Variants in VPS13B observed in about 807,000 individuals in gnomAD.
VPS13B encodes intermembrane lipid transfer protein VPS13B.
VPS13B carries 285 observed loss-of-function variants against 426.4 expected under a neutral mutation model. The observed-to-expected ratio is 0.67, with a 90% CI of 0.61 to 0.74. The LOEUF (loss-of-function observed/expected upper bound fraction) is 0.74, where lower values mean the gene tolerates loss of function less well. Among genes scored for constraint, VPS13B ranks in the 30% least tolerant of loss-of-function variants. The pLI is 0.00. For missense variants in VPS13B, 4,537 were observed against 4,782.6 expected (o/e 0.95, Z 1.51); for synonymous variants, 1,676 against 1,676.4 (o/e 1.00, Z 0.01).
chr8:99,137,248 C>G (rs1810118027), intron 12 of VPS13B, among the ~76,000 whole-genome samples: 1 of 145,750 alleles, frequency 6.9e-6, no homozygotes. Context: ...AACATTTCAA[C>G]ACTTTTTTTT....
chr8:99,270,208 G>A (rs1209906176), intron 17 of VPS13B, among the ~76,000 whole-genome samples: 1 of 128,432 alleles, frequency 7.8e-6, no homozygotes, highest in Non-Finnish European at 1.6e-5. Flanking sequence ...GTGTGATCTC[G>A]GCTCACTGCA....
chr8:99,593,098 A>G (rs1480182365), intron 33 of VPS13B, among the ~76,000 whole-genome samples: 1 of 152,190 alleles, frequency 6.6e-6, no homozygotes, highest in African/African-American at 2.4e-5. Flanking sequence ...CTGCACAGCA[A>G]TAGAAACTAT....
At chr8:99,193,493 G>A (rs1234227220) in intron 17 of VPS13B, among the ~76,000 whole-genome samples, 3 of 151,886 alleles carry the variant, frequency 2.0e-5, no homozygotes, top group African/African-American at 7.3e-5. Context: ...CACCCTTAAG[G>A]AGTTAATTAA....
rs2133931927 is a variant in VPS13B at position 99,642,126 on chromosome 8, G to A, written c.5536G>A (p.Asp1846Asn). The part of the protein sequence containing the change: ...SQEQKNNEKT[D>N]KSSLNLPEVD... ...AGAACAGAAGAATAATGAAAAAACAGACAAGAGTTCATTAAATCTCCCAGA... is the reference window on the plus strand; with the variant it reads ...AGAACAGAAGAATAATGAAAAAACAAACAAGAGTTCATTAAATCTCCCAGA... The change falls in exon 34 of 62, where the codon GAC becomes AAC. Residue 1846 changes from aspartate (D) to asparagine (N), a missense_variant. Coordinates refer to ENST00000357162, the MANE Select transcript of VPS13B (RefSeq NM_152564.5). 1 of 1,614,110 alleles carries A rather than the reference G, an allele frequency of 6.2e-7. No individual in the cohort carries two copies. Among genetic ancestry groups the A allele is most frequent in the Non-Finnish European group, 8.5e-7 (1 of 1,180,018 alleles).
intron 51 of VPS13B, among the ~76,000 whole-genome samples, chr8:99,829,068 A>T (rs1269452696): frequency 6.6e-6 from 1 of 152,028 alleles, no homozygotes; most frequent in Non-Finnish European, 1.5e-5. Context: ...GAATCTGACG[A>T]TTAAGTGTCT....
intron 30 of VPS13B, among the ~76,000 whole-genome samples, chr8:99,547,534 C>A (rs887590764): frequency 2.6e-5 from 4 of 151,966 alleles, no homozygotes; most frequent in Non-Finnish European, 5.9e-5. Context: ...GCCTATTCAG[C>A]AGTGAGTAGT....
intron 12 of VPS13B, among the ~76,000 whole-genome samples, chr8:99,141,909 C>T (rs959525289): frequency 6.0e-5 from 9 of 150,404 alleles, no homozygotes; most frequent in Non-Finnish European, 1.0e-4. Flanking sequence ...CAAAATTAGC[C>T]GGGCGTGGTG....
At chr8:99,531,480 A>C (rs573881312) in intron 30 of VPS13B, among the ~76,000 whole-genome samples, 5 of 152,158 alleles carry the variant, frequency 3.3e-5, no homozygotes, top group Non-Finnish European at 7.4e-5. Flanking sequence ...CTTTTCTCCT[A>C]GTAAAATTTA....
intron 41 of VPS13B, 56 bp downstream of exon 41, chr8:99,777,012 T>C: frequency 6.4e-7 from 1 of 1,567,506 alleles, no homozygotes; most frequent in Non-Finnish European, 8.8e-7. Context: ...CATTTTCTCT[T>C]GAGTGTTTTC....
intron 7 of VPS13B, 87 bp from the exon 8 acceptor site, chr8:99,121,090 G>A: frequency 7.6e-7 from 1 of 1,308,592 alleles, no homozygotes; most frequent in Non-Finnish European, 1.1e-6. Context: ...GAAGGATATG[G>A]GAGGAAAAAT....
At chr8:99,873,711 A>C (rs528752050) in intron 61 of VPS13B, among the ~76,000 whole-genome samples, 2 of 152,272 alleles carry the variant, frequency 1.3e-5, no homozygotes, top group East Asian at 3.9e-4. Flanking sequence ...CAAGCTGCAG[A>C]GCGTCTTTGA....
rs1481767308 is a variant in VPS13B at position 99,458,700 on chromosome 8, G to A, written c.3446-8714G>A. Among the ~76,000 whole-genome samples, 3 of 152,254 alleles carry A rather than the reference G, an allele frequency of 2.0e-5. No individual in the cohort carries two copies. In the South Asian group the frequency reaches 6.2e-4, roughly 32 times the overall value. On this transcript the variant is annotated intron_variant, in intron 23 of 61. Transcript: ENST00000357162. ...ATGAGCATGTTTTCATGTGTCTTTT[G>A]GCTGCATAAATGTCTTCTTTTGAGA...
chr8:99,410,350 A>G (rs1245464551), intron 21 of VPS13B, among the ~76,000 whole-genome samples: 1 of 151,938 alleles, frequency 6.6e-6, no homozygotes, highest in Non-Finnish European at 1.5e-5. Context: ...GGTATACTTC[A>G]CTCACACTAA....
At chr8:99,513,994 G>A (rs1341993867) in intron 29 of VPS13B, among the ~76,000 whole-genome samples, 2 of 152,202 alleles carry the variant, frequency 1.3e-5, no homozygotes, top group Non-Finnish European at 2.9e-5. Context: ...GCTTCTGAAA[G>A]TCTTTGGTAT....
chr8:99,043,963 A>T (rs1843083777), intron 3 of VPS13B, among the ~76,000 whole-genome samples: 1 of 151,240 alleles, frequency 6.6e-6, no homozygotes, highest in Non-Finnish European at 1.5e-5. Context: ...CTTTGCTATC[A>T]TTTAAAGTGC....
chr8:99,208,751 AAC>A (rs367715405), intron 17 of VPS13B, among the ~76,000 whole-genome samples: 2 of 152,328 alleles, frequency 1.3e-5, no homozygotes, highest in Middle Eastern at 3.4e-3. Flanking sequence ...TTAATTTTAA[AAC>A]AGTCCTTTAC....
chr8:99,445,652 CA>C (rs1161068233), intron 23 of VPS13B, among the ~76,000 whole-genome samples: 1 of 151,486 alleles, frequency 6.6e-6, no homozygotes, highest in Admixed American at 6.6e-5. Flanking sequence ...ACCATTTCCA[CA>C]AAGTATGTTT....
intron 21 of VPS13B, among the ~76,000 whole-genome samples, chr8:99,418,224 T>C (rs936959462): frequency 6.6e-6 from 1 of 152,086 alleles, no homozygotes; most frequent in Admixed American, 6.5e-5. Context: ...TTGAATGATG[T>C]TTTTTGACAT....
chr8:99,829,270 A>G (rs917691814), intron 51 of VPS13B, among the ~76,000 whole-genome samples: 11 of 152,080 alleles, frequency 7.2e-5, no homozygotes, highest in African/African-American at 2.2e-4. Context: ...ACATAGTCCC[A>G]TATTTCTTGG....
Sources: allele counts gnomAD v4.1 joint callset (sites outside exome capture counted in the v4.1 genomes callset), GRCh38; gene constraint gnomAD v4.1.1; transcripts MANE v1.5; gene names NCBI Gene and HGNC (gene_info 2026-07-23, HGNC 2026-07-21).